The following KCTD16 variants were observed in gnomAD, a reference collection of about 807,000 sequenced individuals.
KCTD16 encodes potassium channel tetramerization domain containing 16.
In KCTD16, 13 loss-of-function variants were observed where a neutral mutation model predicts 33.2. That is an observed-to-expected ratio of 0.39 (90% CI 0.25 to 0.62). KCTD16 has a LOEUF of 0.62. Ranked by LOEUF, KCTD16 falls within the 20% of genes least tolerant of loss-of-function variation. KCTD16 has a pLI of 0.50. For missense variants in KCTD16, 441 were observed against 525.1 expected, an observed-to-expected ratio of 0.84 and a Z score of 1.57; for synonymous variants, 197 against 195.3, an observed-to-expected ratio of 1.01 and a Z score of -0.07.
At chr5:144,175,807 T>A (rs1320781343) in intron 2 of KCTD16, among the ~76,000 whole-genome samples, 45 of 152,216 alleles carry the variant, frequency 3.0e-4, no homozygotes, top group Admixed American at 2.9e-3. Flanking sequence ...GTACTAAGTA[T>A]TCCATAAATA....
At chr5:144,172,640 TGATTTGCTGGA>T (rs1399230290) in intron 1 of KCTD16, among the ~76,000 whole-genome samples, 2 of 152,200 alleles carry the variant, frequency 1.3e-5, no homozygotes, top group Non-Finnish European at 2.9e-5. Context: ...CCACATATTA[TGATTTGCTGGA>T]GACAATTCCA....
At chr5:144,266,740 G>T (rs1340416201) in intron 3 of KCTD16, among the ~76,000 whole-genome samples, 1 of 152,022 alleles carries the variant, frequency 6.6e-6, no homozygotes, top group Non-Finnish European at 1.5e-5. Context: ...AATAGGCAAT[G>T]TGCACAAAGT....
intron 3 of KCTD16, among the ~76,000 whole-genome samples, chr5:144,438,443 C>G (rs1233741327): frequency 6.6e-6 from 1 of 152,222 alleles, no homozygotes; most frequent in African/African-American, 2.4e-5. Flanking sequence ...GTGCATCTGT[C>G]TCCGCTCTGT....
At chr5:144,418,992 A>G (rs962096416) in intron 3 of KCTD16, among the ~76,000 whole-genome samples, 3 of 152,166 alleles carry the variant, frequency 2.0e-5, no homozygotes, top group Non-Finnish European at 2.9e-5. Flanking sequence ...CACTGTCTTT[A>G]GTTACACAAC....
chr5:144,276,901 T>TA (rs5871872), intron 3 of KCTD16, among the ~76,000 whole-genome samples: 37,583 of 140,008 alleles, frequency 0.27, 4,895 homozygotes, highest in Non-Finnish European at 0.31. Context: ...AAACCCTGTC[T>TA]AAAAAAAAAA....
At chr5:144,308,350 T>C (rs907398788) in intron 3 of KCTD16, among the ~76,000 whole-genome samples, 4 of 152,224 alleles carry the variant, frequency 2.6e-5, no homozygotes, top group African/African-American at 9.6e-5. Flanking sequence ...TAAGCGCTCA[T>C]TCTGAGGTAA....
At chr5:144,368,933 C>T (rs1202426203) in intron 3 of KCTD16, among the ~76,000 whole-genome samples, 1 of 152,144 alleles carries the variant, frequency 6.6e-6, no homozygotes, top group Non-Finnish European at 1.5e-5. Flanking sequence ...AGAACTCGAA[C>T]CCAGATTTAT....
At chr5:144,321,334 C>T (rs1434518209) in intron 3 of KCTD16, among the ~76,000 whole-genome samples, 1 of 152,000 alleles carries the variant, frequency 6.6e-6, no homozygotes, top group Non-Finnish European at 1.5e-5. Context: ...TATTCCTAGT[C>T]TCCATTCTGC....
At chr5:144,472,697 G>T (rs1339799039) in intron 3 of KCTD16, among the ~76,000 whole-genome samples, 1 of 152,180 alleles carries the variant, frequency 6.6e-6, no homozygotes, top group Non-Finnish European at 1.5e-5. Context: ...ATACTAAGGA[G>T]CTCATGGCCT....
rs1754770871 is a variant in KCTD16, at chr5:144,484,825, C to T, written c.*10711C>T. The T allele has an allele frequency of 1.3e-5, 2 of 151,926 alleles. No homozygotes were observed. The highest frequency in any genetic ancestry group is 2.9e-5 in the Non-Finnish European group (2 of 67,944). The allele number at this position is 151,926 out of a possible 1,614,324, so 9.4% of individuals were successfully genotyped here. A position where few individuals can be genotyped will look rare whatever the true frequency, so the allele number is the denominator to read the frequency against. On this transcript the variant is annotated 3_prime_UTR_variant, in exon 4 of 4. Transcript: ENST00000512467. ...CAATGAAATTACCTCTTCTCCTTTCCAATGCAGTTCGCTTGTACATAAATG... is the reference window on the plus strand; with the variant it reads ...CAATGAAATTACCTCTTCTCCTTTCTAATGCAGTTCGCTTGTACATAAATG...
intron 3 of KCTD16, among the ~76,000 whole-genome samples, chr5:144,382,111 C>G (rs1337385180): frequency 6.6e-6 from 1 of 152,128 alleles, no homozygotes; most frequent in Non-Finnish European, 1.5e-5. Flanking sequence ...ATGGATGTAG[C>G]TGAGGCCATT....
intron 3 of KCTD16, among the ~76,000 whole-genome samples, chr5:144,452,506 G>A (rs973141256): frequency 6.6e-6 from 1 of 151,410 alleles, no homozygotes; most frequent in African/African-American, 2.4e-5. Context: ...AGGTGAGAGG[G>A]GAAAGAGAGA....
chr5:144,213,992 G>T (rs1382839080), intron 3 of KCTD16, among the ~76,000 whole-genome samples: 1 of 152,126 alleles, frequency 6.6e-6, no homozygotes, highest in East Asian at 1.9e-4. Context: ...AGAAAAGTTT[G>T]CCTTCTGGCT....
At chr5:144,318,504 G>A (rs1004228832) in intron 3 of KCTD16, among the ~76,000 whole-genome samples, 2 of 152,198 alleles carry the variant, frequency 1.3e-5, no homozygotes, top group African/African-American at 4.8e-5. Flanking sequence ...TGCCACAGCA[G>A]ATACTTTTTG....
chr5:144,483,467 G>C lies in KCTD16; in HGVS notation c.*9353G>C, dbSNP rs1313959978. 1 of 151,858 alleles carries C rather than the reference G, an allele frequency of 6.6e-6. No individual in the cohort carries two copies. The highest frequency in any genetic ancestry group is 1.5e-5 in the Non-Finnish European group (1 of 67,906). The allele number at this position is 151,858 out of a possible 1,614,324, so 9.4% of individuals were successfully genotyped here. A position where few individuals can be genotyped will look rare whatever the true frequency, so the allele number is the denominator to read the frequency against. ...ACATTGTAATAATCACAAAGTTTTA[G>C]TCTCCTGCAAATAACACTTGAAGTC... On this transcript the variant is annotated 3_prime_UTR_variant, in exon 4 of 4. Transcript: ENST00000512467.
chr5:144,395,975 A>G (rs1266967355), intron 3 of KCTD16, among the ~76,000 whole-genome samples: 1 of 152,230 alleles, frequency 6.6e-6, no homozygotes, highest in African/African-American at 2.4e-5. Flanking sequence ...GTCTATGGTT[A>G]CTTTTGCACT....
chr5:144,188,262 T>C (rs10057827), intron 2 of KCTD16, among the ~76,000 whole-genome samples: 7,326 of 152,276 alleles, frequency 0.048, 506 homozygotes, highest in African/African-American at 0.15. Context: ...CTAATAGATA[T>C]TAGCTTTGTA....
At chr5:144,202,458 C>G (rs1210202105) in intron 2 of KCTD16, among the ~76,000 whole-genome samples, 1 of 152,160 alleles carries the variant, frequency 6.6e-6, no homozygotes, top group Non-Finnish European at 1.5e-5. Flanking sequence ...CATTCGTTTT[C>G]ATCCCTGAGA....
At position 144,278,322 on chromosome 5, in the gene KCTD16, A is replaced by G. The variant is rs1335181686; in HGVS notation, c.832+70776A>G. 5.3e-5 allele frequency among the ~76,000 whole-genome samples: 8 copies of G among 151,840 alleles called. 1 individual carries two copies. On this transcript the variant is annotated intron_variant, in intron 3 of 3. Coordinates refer to ENST00000512467, the MANE Select transcript of KCTD16 (RefSeq NM_020768.4). ...TCATCAAAAAAATTTGTGTGTGTCT[A>G]TTTCTAGAATCTTTAGTTTGTCCTA...
Sources: allele counts gnomAD v4.1 joint callset (sites outside exome capture counted in the v4.1 genomes callset), GRCh38; gene constraint gnomAD v4.1.1; transcripts MANE v1.5; gene names NCBI Gene and HGNC (gene_info 2026-07-23, HGNC 2026-07-21).